Variants in BRWD3 observed in about 807,000 individuals in gnomAD.
BRWD3 encodes the protein bromodomain and WD repeat domain containing 3, also known as bromodomain and WD repeat-containing protein 3.
A neutral mutation model predicts 149.7 loss-of-function variants in BRWD3; 10 were observed. That is an observed-to-expected ratio of 0.07 (90% confidence interval 0.04 to 0.11). The LOEUF is 0.11. Ranked by LOEUF, BRWD3 falls within the 10% of genes least tolerant of loss-of-function variation. The pLI, the probability that BRWD3 is intolerant of heterozygous loss-of-function variation, is 1.00. For synonymous variants in BRWD3, 504 were observed against 456.7 expected, an observed-to-expected ratio of 1.10 and a Z score of -1.32; for missense variants, 940 against 1,373.2, an observed-to-expected ratio of 0.68 and a Z score of 4.99.
At chrX:80,726,194 GTTTACATGTTATATGTCTGTATA>G (rs1569263159) in intron 14 of BRWD3, among the ~76,000 whole-genome samples, 7 of 102,153 alleles carry the variant, frequency 6.9e-5, no homozygotes, top group Non-Finnish European at 1.0e-4. Context: ...CATATAACAC[GTTTACATGTTATATGTCTGTATA>G]ACATATAACA....
intron 6 of BRWD3, among the ~76,000 whole-genome samples, chrX:80,781,611 G>A (rs943771669): frequency 3.6e-5 from 4 of 110,567 alleles, no homozygotes; most frequent in Admixed American, 9.7e-5. Context: ...AGATTTCCTC[G>A]GGAAAAAAAT....
intron 29 of BRWD3, 45 bp from the exon 30 acceptor site, chrX:80,692,023 C>T (rs1447853752): frequency 8.5e-7 from 1 of 1,177,600 alleles, no homozygotes; most frequent in African/African-American, 1.8e-5. Flanking sequence ...AATTATTTTC[C>T]AATATCATGT....
rs998971995 is a variant in BRWD3 at position 80,669,737 on chromosome X, G to T, written c.*6872C>A. On this transcript the variant is annotated 3_prime_UTR_variant, in exon 41 of 41. Coordinates refer to ENST00000373275, the MANE Select transcript of BRWD3 (RefSeq NM_153252.5). The stretch of plus-strand genomic sequence containing the variant: ...TGTTATACAAATTCTAACTAGAATT[G>T]CAACATGACAAAAATCAACCACAAA... Among the ~76,000 whole-genome samples, 1 of 110,959 alleles carries T rather than the reference G, an allele frequency of 9.0e-6. No homozygotes were observed. The highest frequency in any genetic ancestry group is 1.9e-5 in the Non-Finnish European group (1 of 52,908).
At chrX:80,710,189 T>C in intron 20 of BRWD3, 1 of 474,385 alleles carries the variant, frequency 2.1e-6, no homozygotes, top group Non-Finnish European at 3.9e-6. Context: ...GTGCCAGGAG[T>C]GTTTCGATTC....
intron 6 of BRWD3, among the ~76,000 whole-genome samples, chrX:80,776,691 ACTCCCT>A (rs2074003154): frequency 9.0e-6 from 1 of 110,893 alleles, no homozygotes; most frequent in Non-Finnish European, 1.9e-5. Context: ...TATCATGAAG[ACTCCCT>A]CTCGAGTGAT....
In BRWD3 at chrX:80,794,530, T is replaced by A. The variant is rs189128835; in HGVS notation, c.181-758A>T. ...AAAAAAATAAAAATAAATAAAAAAA[T>A]ATATATATATCTCTATATGTATGTG... On this transcript the variant is annotated intron_variant, in intron 4 of 40. Coordinates refer to ENST00000373275, the MANE Select transcript of BRWD3 (RefSeq NM_153252.5). Among the ~76,000 whole-genome samples the A allele has an allele frequency of 7.4e-3, 807 of 108,850 alleles. 9 individuals carry two copies. Among genetic ancestry groups the A allele is most frequent in the African/African-American group, 0.025 (738 of 30,120 alleles). The allele number at this position is 108,850 out of a possible 115,157, so 94.5% of individuals were successfully genotyped here. A position where few individuals can be genotyped will look rare whatever the true frequency, so the allele number is the denominator to read the frequency against.
At chrX:80,728,571 T>C (rs948354415) in intron 14 of BRWD3, among the ~76,000 whole-genome samples, 181 bp downstream of exon 14, 4 of 111,602 alleles carry the variant, frequency 3.6e-5, no homozygotes, top group Non-Finnish European at 5.7e-5. Context: ...TACTTGCTTT[T>C]AGCAGGTATA....
intron 4 of BRWD3, among the ~76,000 whole-genome samples, chrX:80,805,850 G>T (rs944195273): frequency 9.0e-6 from 1 of 111,109 alleles, no homozygotes; most frequent in Non-Finnish European, 1.9e-5. Context: ...CAGGAGAATC[G>T]CTTGAACCTG....
At chrX:80,743,034 G>A (rs1248800817) in intron 8 of BRWD3, among the ~76,000 whole-genome samples, 1 of 111,640 alleles carries the variant, frequency 9.0e-6, no homozygotes, top group Non-Finnish European at 1.9e-5. Context: ...CTGTGGGTTT[G>A]TCACAGATAG....
rs899228399 is a variant in BRWD3 at position 80,786,411 on chromosome X, T to C, written c.430+5443A>G. Among the ~76,000 whole-genome samples the C allele has an allele frequency of 4.5e-5, 5 of 110,558 alleles. 1 individual carries two copies. Among genetic ancestry groups the C allele is most frequent in the Admixed American group, 3.9e-4 (4 of 10,327 alleles). On this transcript the variant is annotated intron_variant, in intron 6 of 40. Coordinates refer to ENST00000373275, the MANE Select transcript of BRWD3 (RefSeq NM_153252.5). ...GCAAGAGAAGGGAACATCCTCAAAC[T>C]GAAAAAAGGGCATTTATCATTATAC...
At chrX:80,722,959 G>A (rs1244209429) in intron 16 of BRWD3, among the ~76,000 whole-genome samples, 172 bp from the exon 17 acceptor site, 1 of 110,946 alleles carries the variant, frequency 9.0e-6, no homozygotes, top group African/African-American at 3.3e-5. Flanking sequence ...TTACCTAAAT[G>A]GTAATTCTCT....
At position 80,716,168 on chromosome X, in the gene BRWD3, T is replaced by C. The variant is rs199568218; in HGVS notation, c.2314A>G (p.Thr772Ala). The C allele has an allele frequency of 1.3e-5, 16 of 1,198,375 alleles. No individual in the cohort carries two copies. The highest frequency in any genetic ancestry group is 2.4e-4 in the Middle Eastern group (1 of 4,237). The change falls in exon 20 of 41, where the codon ACT (threonine) becomes GCT (alanine). Residue 772 changes from threonine to alanine, a missense_variant. Transcript: ENST00000373275. ...AAAACTATACTTACCCTTTGAGTAG[T>C]GTAAGATGGCTTTTTCTTCTTTTCA... Reference protein sequence around the residue: ...TVEKKKKPSYTTQRNDYEPSC... With the variant: ...TVEKKKKPSYATQRNDYEPSC...
chrX:80,766,074 G>C (rs1412343581), intron 6 of BRWD3, among the ~76,000 whole-genome samples: 1 of 112,053 alleles, frequency 8.9e-6, no homozygotes, highest in Non-Finnish European at 1.9e-5. Flanking sequence ...GTTTGGATGT[G>C]ATTAACATTT....
At chrX:80,784,899 C>G (rs1386891063) in intron 6 of BRWD3, among the ~76,000 whole-genome samples, 1 of 111,605 alleles carries the variant, frequency 9.0e-6, no homozygotes, top group Non-Finnish European at 1.9e-5. Context: ...TGGGTATATA[C>G]CCAGAAATGG....
At chrX:80,729,004 C>T in intron 13 of BRWD3, 99 bp from the exon 14 acceptor site, 4 of 733,093 alleles carry the variant, frequency 5.5e-6, no homozygotes, top group Non-Finnish European at 8.4e-6. Flanking sequence ...GAGTATACAA[C>T]TGTTTAGATT....
intron 4 of BRWD3, among the ~76,000 whole-genome samples, chrX:80,794,713 T>C (rs1481834047): frequency 1.8e-5 from 2 of 110,225 alleles, no homozygotes; most frequent in African/African-American, 6.6e-5. Context: ...CACTCTAATA[T>C]ACATTTAAAT....
Position 80,809,694 on chromosome X carries a change from G to A in BRWD3, c.-223C>T. The A allele has an allele frequency of 8.9e-6, 3 of 337,601 alleles. No individual in the cohort carries two copies. Among genetic ancestry groups the A allele is most frequent in the African/African-American group, 2.8e-5 (1 of 35,341 alleles). 27.8% of individuals were successfully genotyped at this position (337,601 alleles called of 1,213,427 possible). ...AGGCGGAGGAGGAAGGAGAGGAGAG[G>A]GAGAGGGAGAGAGAGAGTGAGTGAG... On this transcript the variant is annotated 5_prime_UTR_variant, in exon 1 of 41. Transcript: ENST00000373275.
At chrX:80,754,453 CAG>C (rs1431660470) in intron 6 of BRWD3, among the ~76,000 whole-genome samples, 6 of 111,782 alleles carry the variant, frequency 5.4e-5, no homozygotes, top group Admixed American at 3.8e-4. Context: ...CATCAGCAAA[CAG>C]AGATAATTTG....
In BRWD3 at chrX:80,809,476, T is replaced by C; in HGVS notation, c.-5A>G. 8.6e-7 allele frequency: 1 copy of C among 1,162,753 alleles called. No individual in the cohort carries two copies. ...CTGGGTAGGTGCTGCCGCCATCCTT[T>C]TCCCGAGGGGGTTTGGGGGCTTCGC... is the stretch of plus-strand genomic sequence containing the variant. On this transcript the variant is annotated 5_prime_UTR_variant, in exon 1 of 41. Transcript: ENST00000373275.
Sources: gnomAD v4.1 joint callset for allele counts (sites outside exome capture counted in the v4.1 genomes callset) on GRCh38, gnomAD v4.1.1 for gene constraint, MANE v1.5 for transcripts, NCBI Gene and HGNC (gene_info 2026-07-23, HGNC 2026-07-21) for gene names.